The following IFI44 variants were observed in gnomAD, a reference collection of about 807,000 sequenced individuals.
IFI44 encodes the protein interferon-induced protein 44.
IFI44 carries 42 observed loss-of-function variants against 45.0 expected under a neutral mutation model. The ratio of observed to expected loss-of-function variants is 0.93; its 90% CI spans 0.73 to 1.21. The LOEUF (loss-of-function observed/expected upper bound fraction) is 1.21, where lower values mean the gene tolerates loss of function less well. Ranked by LOEUF, IFI44 falls within the 50% of genes most tolerant of loss-of-function variation. IFI44 has a pLI of 0.00. For synonymous variants in IFI44, 221 were observed against 188.6 expected (o/e 1.17, Z -1.41); for missense variants, 623 against 525.8 (o/e 1.18, Z -1.81).
intron 2 of IFI44, 39 bp downstream of exon 2, chr1:78,650,691 T>C: frequency 7.4e-7 from 1 of 1,342,402 alleles, no homozygotes; most frequent in Non-Finnish European, 1.0e-6. Context: ...AGTTCTCCCT[T>C]GCATGTTTGG....
In IFI44 at chr1:78,659,498, A is replaced by T. The variant is rs766457130; in HGVS notation, c.1012+15A>T. 4 of 1,602,360 alleles carry T rather than the reference A, an allele frequency of 2.5e-6. No homozygotes were observed. The South Asian group carries it at 4.4e-5, about 18-fold the overall frequency. ...GGTAAACGCTGGTGAGTCTCATTCC[A>T]CTTTGCTAAGGGTAATACCACTAAG... On this transcript the variant is annotated intron_variant, in intron 6 of 8. Transcript: ENST00000370747.
In IFI44 at chr1:78,660,626, TAGAG is replaced by T. The variant is rs755858853; in HGVS notation, c.1089_1092del (p.Glu363AspfsTer5). On this transcript the variant is annotated frameshift_variant, in exon 7 of 9. Coordinates refer to ENST00000370747, the MANE Select transcript of IFI44 (RefSeq NM_006417.5). LOFTEE classifies it high-confidence loss of function. ...ATTACAAAAGGTGACCTTATAGAAA[TAGAG>T]AGATGTGAGCCTGTGAGGTCCAAGG... 19 of 1,613,252 alleles carry T rather than the reference TAGAG, an allele frequency of 1.2e-5. No homozygotes were observed. Among genetic ancestry groups the T allele is most frequent in the South Asian group, 6.6e-5 (6 of 91,072 alleles).
intron 2 of IFI44, among the ~76,000 whole-genome samples, chr1:78,653,977 A>G (rs534952368): frequency 6.6e-6 from 1 of 152,248 alleles, no homozygotes; most frequent in East Asian, 1.9e-4. Flanking sequence ...GTTACACACT[A>G]CTGTTGAGTA....
chr1:78,655,678 G>T (rs1647196449), intron 5 of IFI44, among the ~76,000 whole-genome samples, 167 bp downstream of exon 5: 1 of 151,800 alleles, frequency 6.6e-6, no homozygotes, highest in African/African-American at 2.4e-5. Context: ...TTCCATCATG[G>T]CTATCTTAAC....
chr1:78,663,241 G>T (rs1231691075), intron 8 of IFI44: 2 of 985,144 alleles, frequency 2.0e-6, no homozygotes, highest in Non-Finnish European at 2.4e-6. Flanking sequence ...CATTGCTCCT[G>T]ATCAGATGAG....
At chr1:78,652,160 C>T (rs1016782053) in intron 2 of IFI44, among the ~76,000 whole-genome samples, 37 of 152,144 alleles carry the variant, frequency 2.4e-4, no homozygotes, top group Admixed American at 2.4e-3. Context: ...CAGCTCACTG[C>T]AACTTCCGCC....
intron 1 of IFI44, 32 bp from the exon 2 acceptor site, chr1:78,650,154 T>C: frequency 6.9e-7 from 1 of 1,458,040 alleles, no homozygotes; most frequent in South Asian, 1.3e-5. Context: ...TTTTTTAATA[T>C]TTAATGGAAA....
intron 2 of IFI44, among the ~76,000 whole-genome samples, chr1:78,653,769 G>T (rs1647160325): frequency 6.6e-6 from 1 of 152,146 alleles, no homozygotes; most frequent in South Asian, 2.1e-4. Flanking sequence ...GTTAATAGCA[G>T]GTTGTAGAGA....
At chr1:78,650,732 A>T (rs1647111269) in intron 2 of IFI44, 80 bp downstream of exon 2, 1 of 950,066 alleles carries the variant, frequency 1.1e-6, no homozygotes, top group South Asian at 1.8e-5. Flanking sequence ...TCTTTAAGGA[A>T]AAATGAACTT....
At position 78,663,824 on chromosome 1, in the gene IFI44, T is replaced by G. The variant is rs777365744; in HGVS notation, c.*13T>G. 3.7e-6 allele frequency: 6 copies of G among 1,610,020 alleles called. No individual in the cohort carries two copies. The highest frequency in any genetic ancestry group is 5.1e-6 in the Non-Finnish European group (6 of 1,178,404). ...AGGAAAAAAATAGATATGTGAAAGGTTCACGTAAATTTCCTCACATCACAG... is the reference window on the plus strand; with the variant it reads ...AGGAAAAAAATAGATATGTGAAAGGGTCACGTAAATTTCCTCACATCACAG... On this transcript the variant is annotated 3_prime_UTR_variant, in exon 9 of 9. Coordinates refer to ENST00000370747, the MANE Select transcript of IFI44 (RefSeq NM_006417.5).
chr1:78,659,376 A>G lies in IFI44; in HGVS notation c.905A>G (p.Asp302Gly), dbSNP rs1309236163. 1.9e-6 allele frequency: 3 copies of G among 1,613,456 alleles called. No individual in the cohort carries two copies. The highest frequency in any genetic ancestry group is 3.3e-5 in the Admixed American group (2 of 60,000). The change falls in exon 6 of 9, where the codon GAC becomes GGC. Residue 302 changes from aspartate to glycine, a missense_variant. By Grantham distance (94) the Asp-to-Gly change is moderately conservative. Transcript: ENST00000370747. ...HDYIDSPSLK[D>G]RIHCVAFVFD... Reference sequence around the variant, plus strand: ...TACATTGATTCCCCATCGCTGAAGGACAGAATTCATTGTGTGGCATTTGTA... The same window carrying G: ...TACATTGATTCCCCATCGCTGAAGGGCAGAATTCATTGTGTGGCATTTGTA...
Position 78,650,222 on chromosome 1 carries a change from G to T in IFI44, c.27G>T (p.Trp9Cys). The T allele has an allele frequency of 6.2e-7, 1 of 1,606,230 alleles. No homozygotes were observed. Among genetic ancestry groups the T allele is most frequent in the Non-Finnish European group, 8.5e-7 (1 of 1,173,522 alleles). The part of the protein sequence containing the change: MAVTTRLT[W>C]LHEKILQNHF... ...TGGCAGTGACAACTCGTTTGACATG[G>T]TTGCACGAAAAGATCCTGCAAAATC... is the stretch of plus-strand genomic sequence containing the variant. Residue 9 changes from tryptophan to cysteine, a missense_variant, in exon 2 of 9, where the codon TGG (tryptophan) becomes TGT (cysteine). Physicochemically the swap from Trp to Cys is radical, Grantham distance 215 (BLOSUM62 -2). Transcript: ENST00000370747.
At chr1:78,663,010 ACC>A (rs1169956885) in intron 8 of IFI44, 132 bp downstream of exon 8, 1 of 1,539,232 alleles carries the variant, frequency 6.5e-7, no homozygotes, top group African/African-American at 1.4e-5. Flanking sequence ...CTGCTTTTTA[ACC>A]CACTCCCTGG....
At chr1:78,654,311 T>C in intron 3 of IFI44, 32 bp downstream of exon 3, 1 of 1,130,958 alleles carries the variant, frequency 8.8e-7, no homozygotes, top group East Asian at 2.4e-5. Flanking sequence ...TCTATTACTC[T>C]CTTCATTATC....
chr1:78,657,743 C>T (rs879708209), intron 5 of IFI44, among the ~76,000 whole-genome samples: 9 of 152,158 alleles, frequency 5.9e-5, no homozygotes, highest in Non-Finnish European at 1.2e-4. Context: ...ACATCTCCTT[C>T]GCCTTTGCCA....
intron 5 of IFI44, among the ~76,000 whole-genome samples, chr1:78,657,823 A>G (rs559672763): frequency 7.8e-4 from 118 of 152,236 alleles, no homozygotes; most frequent in South Asian, 7.7e-3. Context: ...GTGTGTTTCA[A>G]TCCATTGTAG....
intron 6 of IFI44, 22 bp from the exon 7 acceptor site, chr1:78,660,532 T>TA: frequency 6.4e-7 from 1 of 1,551,464 alleles, no homozygotes; most frequent in Non-Finnish European, 8.9e-7. Flanking sequence ...TAAAATGATT[T>TA]AAAAAATTCT....
chr1:78,661,471 T>C (rs1647448491), intron 7 of IFI44, among the ~76,000 whole-genome samples: 1 of 152,190 alleles, frequency 6.6e-6, no homozygotes, highest in South Asian at 2.1e-4. Flanking sequence ...GTTCATTTAT[T>C]ACAATTTAAT....
chr1:78,663,385 T>C, intron 8 of IFI44: 1 of 985,386 alleles, frequency 1.0e-6, no homozygotes, highest in Non-Finnish European at 1.2e-6. Context: ...TGTCCTTTTA[T>C]GTAATGGCCA....
Sources: gnomAD v4.1 joint callset for allele counts (sites outside exome capture counted in the v4.1 genomes callset) on GRCh38, gnomAD v4.1.1 for gene constraint, MANE v1.5 for transcripts, NCBI Gene and HGNC (gene_info 2026-07-23, HGNC 2026-07-21) for gene names.